Variants in CRPPA observed in about 807,000 individuals in gnomAD.
The protein encoded by CRPPA is D-ribitol-5-phosphate cytidylyltransferase.
In CRPPA, 43 loss-of-function variants were observed where a neutral mutation model predicts 52.0. The observed-to-expected ratio is 0.83, with a 90% CI of 0.65 to 1.07. CRPPA has a LOEUF of 1.07. Among genes scored for constraint, CRPPA ranks in the 50% least tolerant of loss-of-function variants. CRPPA has a pLI of 0.00. For synonymous variants in CRPPA, 250 were observed against 203.5 expected (o/e 1.23, Z -1.94); for missense variants, 629 against 551.7 (o/e 1.14, Z -1.40).
chr7:16,409,692 A>ATGTTG (rs1788033393), intron 1 of CRPPA, among the ~76,000 whole-genome samples: 1 of 152,234 alleles, frequency 6.6e-6, no homozygotes, highest in Non-Finnish European at 1.5e-5. Flanking sequence ...AATCTTTACA[A>ATGTTG]TACTTCTACA....
intron 9 of CRPPA, among the ~76,000 whole-genome samples, chr7:16,215,434 A>C (rs1420791824): frequency 6.6e-6 from 1 of 152,236 alleles, no homozygotes; most frequent in Non-Finnish European, 1.5e-5. Context: ...TTCTCTGCAC[A>C]AAGAATCTGT....
At chr7:16,223,289 C>T (rs909417310) in intron 8 of CRPPA, among the ~76,000 whole-genome samples, 2 of 152,120 alleles carry the variant, frequency 1.3e-5, no homozygotes, top group African/African-American at 4.8e-5. Flanking sequence ...TACTTAGATG[C>T]CATCTACAAA....
At chr7:16,414,402 C>T (rs1277971268) in intron 1 of CRPPA, among the ~76,000 whole-genome samples, 1 of 143,102 alleles carries the variant, frequency 7.0e-6, no homozygotes, top group Non-Finnish European at 1.5e-5. Flanking sequence ...CACACACACA[C>T]CCCATGACAC....
At chr7:16,183,905 A>G (rs1781457331) in intron 9 of CRPPA, among the ~76,000 whole-genome samples, 1 of 152,042 alleles carries the variant, frequency 6.6e-6, no homozygotes, top group Admixed American at 6.6e-5. Context: ...GTACAAAATT[A>G]AACTGTTTTT....
chr7:16,285,459 T>C (rs1198133250), intron 5 of CRPPA, among the ~76,000 whole-genome samples: 1 of 152,160 alleles, frequency 6.6e-6, no homozygotes, highest in African/African-American at 2.4e-5. Flanking sequence ...TGGCAAAATA[T>C]TGATGTCATA....
At chr7:16,254,553 A>T (rs1343512509) in intron 8 of CRPPA, among the ~76,000 whole-genome samples, 1 of 151,950 alleles carries the variant, frequency 6.6e-6, no homozygotes, top group African/African-American at 2.4e-5. Flanking sequence ...ACACTTGGAC[A>T]CAGGGTGGGG....
At chr7:16,301,070 G>A (rs527659765) in intron 5 of CRPPA, among the ~76,000 whole-genome samples, 3 of 152,308 alleles carry the variant, frequency 2.0e-5, no homozygotes, top group African/African-American at 7.2e-5. Flanking sequence ...ACACGACACT[G>A]TTAAGGGGAG....
At chr7:16,381,527 T>C (rs1787088741) in intron 2 of CRPPA, among the ~76,000 whole-genome samples, 2 of 152,062 alleles carry the variant, frequency 1.3e-5, no homozygotes, top group South Asian at 2.1e-4. Context: ...CAGAGCTGAG[T>C]TCAATTCCTG....
At chr7:16,184,969 G>C (rs1781477937) in intron 9 of CRPPA, among the ~76,000 whole-genome samples, 1 of 152,110 alleles carries the variant, frequency 6.6e-6, no homozygotes, top group Non-Finnish European at 1.5e-5. Flanking sequence ...CATTTTTGTG[G>C]ATTTTTATGA....
chr7:16,124,973 G>C (rs1271921363), intron 9 of CRPPA, among the ~76,000 whole-genome samples: 1 of 151,994 alleles, frequency 6.6e-6, no homozygotes, highest in Non-Finnish European at 1.5e-5. Context: ...TTAAAACTGT[G>C]AATAGGCCAG....
chr7:16,251,161 C>A (rs769834355), intron 8 of CRPPA, among the ~76,000 whole-genome samples: 1 of 151,980 alleles, frequency 6.6e-6, no homozygotes, highest in Non-Finnish European at 1.5e-5. Context: ...GGGATCAATG[C>A]AACAAGAAGA....
intron 9 of CRPPA, among the ~76,000 whole-genome samples, chr7:16,187,091 T>C (rs997602434): frequency 6.6e-6 from 1 of 152,198 alleles, no homozygotes; most frequent in African/African-American, 2.4e-5. Context: ...GTATGCTTCA[T>C]GAAAAAGAAA....
chr7:16,416,065 CAA>C (rs1252583837), intron 1 of CRPPA, among the ~76,000 whole-genome samples: 1 of 152,084 alleles, frequency 6.6e-6, no homozygotes, highest in African/African-American at 2.4e-5. Flanking sequence ...AGTGAGATAG[CAA>C]AAGTTTGGGC....
At chr7:16,161,805 C>T (rs1209704192) in intron 9 of CRPPA, among the ~76,000 whole-genome samples, 3 of 152,036 alleles carry the variant, frequency 2.0e-5, no homozygotes, top group Admixed American at 1.3e-4. Flanking sequence ...GCTGTGACTC[C>T]GTCTGGTCCT....
intron 2 of CRPPA, among the ~76,000 whole-genome samples, chr7:16,382,183 C>T (rs1356373209): frequency 6.6e-6 from 1 of 152,062 alleles, no homozygotes; most frequent in Non-Finnish European, 1.5e-5. Context: ...TTAGGGCGGG[C>T]CTGGTGGTGA....
chr7:16,331,858 G>T (rs2128430209), intron 3 of CRPPA, among the ~76,000 whole-genome samples: 1 of 152,096 alleles, frequency 6.6e-6, no homozygotes, highest in Non-Finnish European at 1.5e-5. Context: ...AGCTATAAAA[G>T]GTGTAACATA....
chr7:16,295,904 A>G (rs1175430211), intron 5 of CRPPA, among the ~76,000 whole-genome samples: 1 of 152,136 alleles, frequency 6.6e-6, no homozygotes, highest in Non-Finnish European at 1.5e-5. Context: ...TGTTGTACCA[A>G]TTAATCATAC....
intron 3 of CRPPA, among the ~76,000 whole-genome samples, chr7:16,358,074 G>A (rs747331522): frequency 6.6e-6 from 1 of 152,200 alleles, no homozygotes; most frequent in Non-Finnish European, 1.5e-5. Flanking sequence ...CCATAGGCCA[G>A]GACTGGCATG....
chr7:16,267,353 T>G (rs913436629), intron 6 of CRPPA, among the ~76,000 whole-genome samples: 1 of 152,242 alleles, frequency 6.6e-6, no homozygotes, highest in African/African-American at 2.4e-5. Context: ...CTGTTATAAA[T>G]GCAGATTTTA....
Sources: allele counts gnomAD v4.1 joint callset (sites outside exome capture counted in the v4.1 genomes callset), GRCh38; gene constraint gnomAD v4.1.1; transcripts MANE v1.5; gene names NCBI Gene and HGNC (gene_info 2026-07-23, HGNC 2026-07-21).